KCNN1: variants seen among roughly 807,000 people sequenced by gnomAD.
KCNN1 encodes potassium calcium-activated channel subfamily N member 1, also known as small conductance calcium-activated potassium channel protein 1.
Under a neutral mutation model 44.7 loss-of-function variants are expected in KCNN1, and 20 were observed. The observed-to-expected ratio is 0.45, with a 90% CI of 0.32 to 0.65. The LOEUF (loss-of-function observed/expected upper bound fraction) is 0.65. Among genes scored for constraint, KCNN1 ranks in the 30% least tolerant of loss-of-function variants. The probability of loss-of-function intolerance (pLI) is 0.05; values close to 1 mark genes in which losing one functional copy is unlikely to be tolerated. For missense variants in KCNN1, 632 were observed against 785.3 expected, an observed-to-expected ratio of 0.80 and a Z score of 2.33; for synonymous variants, 324 against 341.7, an observed-to-expected ratio of 0.95 and a Z score of 0.57.
At chr19:17,996,989 G>T (rs569802436) in intron 9 of KCNN1, among the ~76,000 whole-genome samples, 2 of 152,172 alleles carry the variant, frequency 1.3e-5, no homozygotes, top group African/African-American at 4.8e-5. Context: ...ACCCAGCTGC[G>T]CTCAGAGCCG....
intron 5 of KCNN1, among the ~76,000 whole-genome samples, chr19:17,985,853 C>T (rs181816249): frequency 2.7e-4 from 41 of 152,346 alleles, no homozygotes; most frequent in African/African-American, 9.1e-4. Flanking sequence ...CTGTGACCAG[C>T]GCTACTTCCT....
rs1396418274 is a variant in KCNN1, at chr19:17,988,452, C to T, written c.1097C>T (p.Ala366Val). ...GCTALVVAVV[A>V]RKLELTKAEK... ...ACCGCGCTCGTGGTGGCTGTGGTGG[C>T]TCGGAAGCTGGAGCTCACCAAGGCT... The change falls in exon 6 of 10, where the codon GCT (alanine) becomes GTT (valine). Residue 366 changes from alanine to valine, a missense_variant. By Grantham distance (64) the Ala-to-Val change is moderately conservative (BLOSUM62 0). Transcript: ENST00000684775. 2 of 1,613,380 alleles carry T rather than the reference C, an allele frequency of 1.2e-6. No individual in the cohort carries two copies. Among genetic ancestry groups the T allele is most frequent in the Non-Finnish European group, 1.7e-6 (2 of 1,179,842 alleles).
chr19:17,975,286 A>G, intron 3 of KCNN1, 99 bp downstream of exon 3: 1 of 786,590 alleles, frequency 1.3e-6, no homozygotes, highest in Non-Finnish European at 2.1e-6. Flanking sequence ...ACATAAAAGG[A>G]TGTATAATTG....
intron 7 of KCNN1, chr19:17,990,050 A>G (rs1709438107): frequency 1.4e-6 from 1 of 713,398 alleles, no homozygotes; most frequent in South Asian, 1.5e-5. Flanking sequence ...CGACTCAGTA[A>G]GTGGCAGGAT....
chr19:17,979,692 G>C (rs1438752714), intron 3 of KCNN1, among the ~76,000 whole-genome samples: 1 of 152,080 alleles, frequency 6.6e-6, no homozygotes, highest in Non-Finnish European at 1.5e-5. Flanking sequence ...CCCCATGGAG[G>C]GTGAGCAATG....
chr19:17,963,561 C>T (rs1321731430), upstream of KCNN1, among the ~76,000 whole-genome samples: 1 of 152,114 alleles, frequency 6.6e-6, no homozygotes, highest in Non-Finnish European at 1.5e-5. Flanking sequence ...GGTGATCTGC[C>T]CTCTTTGTCC....
At chr19:17,978,360 C>T (rs2032279671) in intron 3 of KCNN1, among the ~76,000 whole-genome samples, 1 of 149,042 alleles carries the variant, frequency 6.7e-6, no homozygotes, top group Non-Finnish European at 1.5e-5. Context: ...CTCCTGACCT[C>T]GTGTTCCACC....
At position 17,998,560 on chromosome 19, in the gene KCNN1, G is replaced by GAGGGC. The variant is rs1173429169; in HGVS notation, c.*160_*164dup. 82 of 803,598 alleles carry GAGGGC rather than the reference G, an allele frequency of 1.0e-4. No homozygotes were observed. In the South Asian group the frequency reaches 1.6e-3, roughly 16 times the overall value. 49.8% of individuals were successfully genotyped at this position (803,598 alleles called of 1,614,324 possible). On this transcript the variant is annotated 3_prime_UTR_variant, in exon 10 of 10. Coordinates refer to ENST00000684775, the MANE Select transcript of KCNN1 (RefSeq NM_001386974.1). The surrounding 1 kb of genome is among the most constrained non-coding windows in gnomAD (Gnocchi z 5.4). Reference sequence around the variant, plus strand: ...CTGCCCCGCCCAGACTGCCCAGGCAGAGGGCAGGGCTGGACCATGGGTGAG... The same window carrying GAGGGC: ...CTGCCCCGCCCAGACTGCCCAGGCAGAGGGCAGGGCAGGGCTGGACCATGGGTGAG...
At chr19:17,991,372 G>A (rs1387336174) in intron 7 of KCNN1, among the ~76,000 whole-genome samples, 2 of 152,074 alleles carry the variant, frequency 1.3e-5, no homozygotes, top group African/African-American at 4.8e-5. Flanking sequence ...GATAACTTGA[G>A]CCCAGAAGGT....
At chr19:17,967,370 G>A (rs2031850116) in intron 1 of KCNN1, 53 bp downstream of exon 1, 1 of 934,448 alleles carries the variant, frequency 1.1e-6, no homozygotes, top group South Asian at 4.9e-5. Flanking sequence ...TGCAGCTCAG[G>A]GAGCCCGAGG....
chr19:17,967,100 C>T, upstream of KCNN1: 2 of 980,376 alleles, frequency 2.0e-6, no homozygotes, highest in Non-Finnish European at 2.4e-6. Context: ...TCTCTCCCGG[C>T]CCGGGCGGGC....
Position 17,998,132 on chromosome 19 carries a change from C to T in KCNN1, c.1378-20C>T. ...CTCACTCAGCGGCGCCTCTCTCCTGCCCCTCTCTGTCTCCCGCAGACCCAG... is the reference window on the plus strand; with the variant it reads ...CTCACTCAGCGGCGCCTCTCTCCTGTCCCTCTCTGTCTCCCGCAGACCCAG... On this transcript the variant is annotated intron_variant, in intron 9 of 9. Coordinates refer to ENST00000684775, the MANE Select transcript of KCNN1 (RefSeq NM_001386974.1). The surrounding 1 kb of genome is among the most constrained non-coding windows in gnomAD (Gnocchi z 5.4). The T allele has an allele frequency of 1.3e-6, 2 of 1,566,134 alleles. No individual in the cohort carries two copies. Among genetic ancestry groups the T allele is most frequent in the East Asian group, 2.3e-5 (1 of 43,742 alleles).
intron 5 of KCNN1, among the ~76,000 whole-genome samples, chr19:17,988,000 ACAC>A (rs1188767108): frequency 1.3e-5 from 2 of 151,242 alleles, no homozygotes; most frequent in Admixed American, 1.3e-4. Context: ...ACACACACAC[ACAC>A]AATTAGCGGG....
rs1013217073 is a variant in KCNN1, at chr19:17,983,807, G to A, written c.918-1505G>A. Among the ~76,000 whole-genome samples, 6 of 150,872 alleles carry A rather than the reference G, an allele frequency of 4.0e-5. No homozygotes were observed. The highest frequency in any genetic ancestry group is 4.9e-5 in the African/African-American group (2 of 41,168). ...CCCACCGACTAGAGGGCACCCCCCC[G>A]CCCCTCCTGCCCTCTGGGGGTCAGG... On this transcript the variant is annotated intron_variant, in intron 4 of 9. Transcript: ENST00000684775. This position sits in a 1 kb window ranked among gnomAD's most constrained non-coding sequence, Gnocchi z 4.5.
chr19:17,999,723 C>T lies in KCNN1; in HGVS notation c.*1317C>T. 1 of 299,060 alleles carries T rather than the reference C, an allele frequency of 3.3e-6. No homozygotes were observed. Among genetic ancestry groups the T allele is most frequent in the Non-Finnish European group, 6.8e-6 (1 of 146,086 alleles). 18.5% of individuals were successfully genotyped at this position (299,060 alleles called of 1,614,324 possible). A position where few individuals can be genotyped will look rare whatever the true frequency, so the allele number is the denominator to read the frequency against. ...GGCAGATGCTGAGCCCTGGGTGGGG[C>T]GAGGAGGCCTGGCTCCTGGGGAGAC... On this transcript the variant is annotated 3_prime_UTR_variant, in exon 10 of 10. Transcript: ENST00000684775.
At position 17,973,866 on chromosome 19, in the gene KCNN1, C is replaced by T. The variant is rs1413832897; in HGVS notation, c.-23C>T. ...GGGCCCCGGGCGGCCTGCAGCGAGC[C>T]CAACCCCTGCACCCAGGTAGTCATG... On this transcript the variant is annotated 5_prime_UTR_variant, in exon 2 of 10. Coordinates refer to ENST00000684775, the MANE Select transcript of KCNN1 (RefSeq NM_001386974.1). 1 of 1,546,702 alleles carries T rather than the reference C, an allele frequency of 6.5e-7. No homozygotes were observed. Among genetic ancestry groups the T allele is most frequent in the African/African-American group, 1.4e-5 (1 of 73,130 alleles).
rs372963972 is a variant in KCNN1 at position 17,973,942 on chromosome 19, G to T, written c.54G>T (p.Pro18=). ...TGGGGCGGCCGCTGGGCAGCGGGCC[G>T]GGCGCCCTGGGACGAGACCCTCCGG... is the stretch of plus-strand genomic sequence containing the variant. The part of the protein sequence containing the change: ...GSVGRPLGSG[P]GALGRDPPDP... Residue 18 remains proline, a synonymous_variant, in exon 2 of 10, where the codon CCG becomes CCT. Coordinates refer to ENST00000684775, the MANE Select transcript of KCNN1 (RefSeq NM_001386974.1). 1 of 1,557,062 alleles carries T rather than the reference G, an allele frequency of 6.4e-7. No homozygotes were observed. Among genetic ancestry groups the T allele is most frequent in the Middle Eastern group, 1.7e-4 (1 of 5,984 alleles).
chr19:17,971,262 C>T (rs2032012937), intron 1 of KCNN1, among the ~76,000 whole-genome samples: 1 of 152,174 alleles, frequency 6.6e-6, no homozygotes, highest in South Asian at 2.1e-4. Context: ...AGTGTCCTGC[C>T]TGTGCACACA....
At chr19:17,951,607 G>A (rs901860271) in intron 1 of KCNN1, among the ~76,000 whole-genome samples, 1 of 152,290 alleles carries the variant, frequency 6.6e-6, no homozygotes, top group Admixed American at 6.5e-5. Context: ...TCAGGCTCAA[G>A]AGGTTCCTAA....
Sources: allele counts gnomAD v4.1 joint callset (sites outside exome capture counted in the v4.1 genomes callset), GRCh38; gene constraint gnomAD v4.1.1; non-coding constraint Gnocchi (gnomAD v3.1); transcripts MANE v1.5; gene names NCBI Gene and HGNC (gene_info 2026-07-23, HGNC 2026-07-21).